Variants in RPLP0 observed in about 807,000 individuals in gnomAD.
RPLP0 encodes the protein large ribosomal subunit protein uL10.
For missense variants in RPLP0, 276 were observed against 402.9 expected (o/e 0.69, Z 2.70); for synonymous variants, 137 against 153.4 (o/e 0.89, Z 0.79).
rs1435388182 is a variant in RPLP0, at chr12:120,196,929, C to T, written c.798G>A (p.Lys266=). The T allele has an allele frequency of 6.2e-7, 1 of 1,613,298 alleles. No individual in the cohort carries two copies. Among genetic ancestry groups the T allele is most frequent in the Non-Finnish European group, 8.5e-7 (1 of 1,179,992 alleles). The part of the protein sequence containing the change: ...DYTFPLAEKV[K]AFLADPSAFV... The stretch of plus-strand genomic sequence containing the variant: ...AGGCAGATGGATCAGCCAAGAAGGC[C>T]TTGACCTGAAAGGAGGGGGGAAGTG... The change falls in exon 8 of 8, where the codon AAG becomes AAA. Residue 266 remains lysine (K), a synonymous_variant. Transcript: ENST00000392514.
intron 1 of RPLP0, 112 bp from the exon 2 acceptor site, chr12:120,200,943 G>C (rs1879434011): frequency 7.6e-7 from 1 of 1,321,430 alleles, no homozygotes; most frequent in Non-Finnish European, 1.0e-6. Flanking sequence ...CTAGGGCAGC[G>C]GCCGTCATCT....
At position 120,197,401 on chromosome 12, in the gene RPLP0, G is replaced by C. The variant is rs762925260; in HGVS notation, c.713C>G (p.Pro238Arg). Residue 238 changes from proline (P) to arginine (R), a missense_variant, in exon 7 of 8, where the codon CCC becomes CGC. Coordinates refer to ENST00000392514, the MANE Select transcript of RPLP0 (RefSeq NM_001002.4). Reference protein sequence around the residue: ...QIGYPTVASVPHSIINGYKRV... With the variant: ...QIGYPTVASVRHSIINGYKRV... ...TTTGTACCCGTTGATGATAGAATGG[G>C]GTACTGATGCAACAGTTGGGTAGCC... 6.2e-7 allele frequency: 1 copy of C among 1,613,708 alleles called. No individual in the cohort carries two copies.
chr12:120,198,453 T>C lies in RPLP0; in HGVS notation c.651+101A>G, dbSNP rs1037889487. 216 of 1,240,250 alleles carry C rather than the reference T, an allele frequency of 1.7e-4. No individual in the cohort carries two copies. Among genetic ancestry groups the C allele is most frequent in the Non-Finnish European group, 2.3e-4 (201 of 855,802 alleles). 76.8% of individuals were successfully genotyped at this position (1,240,250 alleles called of 1,614,324 possible). A position where few individuals can be genotyped will look rare whatever the true frequency, so the allele number is the denominator to read the frequency against. On this transcript the variant is annotated intron_variant, in intron 6 of 7. Coordinates refer to ENST00000392514, the MANE Select transcript of RPLP0 (RefSeq NM_001002.4). This position sits in a 1 kb window ranked among gnomAD's most constrained non-coding sequence, Gnocchi z 4.1. ...ACTGACATTTTACAGATGAGGTAGG[T>C]AGACAGATGAAAACACAGTCCTTGG...
At chr12:120,200,972 A>T (rs1879436305) in intron 1 of RPLP0, 111 bp downstream of exon 1, 1 of 994,132 alleles carries the variant, frequency 1.0e-6, no homozygotes, top group Non-Finnish European at 1.4e-6. Context: ...GCAAGCCGCC[A>T]CCGAGGCCCC....
At position 120,198,245 on chromosome 12, in the gene RPLP0, C is replaced by T. The variant is rs3742040; in HGVS notation, c.651+309G>A. Reference sequence around the variant, plus strand: ...TAAAAATACAAAAAAATTAGCCGGGCGTAGTGGCGGGTGCCTGTAGTCCCA... The same window carrying T: ...TAAAAATACAAAAAAATTAGCCGGGTGTAGTGGCGGGTGCCTGTAGTCCCA... On this transcript the variant is annotated intron_variant, in intron 6 of 7. Transcript: ENST00000392514. This position sits in a 1 kb window ranked among gnomAD's most constrained non-coding sequence, Gnocchi z 4.1. 0.13 allele frequency: 38,939 copies of T among 300,084 alleles called. 3,611 individuals carry two copies. The highest frequency in any genetic ancestry group is 0.44 in the East Asian group (5,670 of 12,758). The allele number at this position is 300,084 out of a possible 1,614,324, so 18.6% of individuals were successfully genotyped here. A position where few individuals can be genotyped will look rare whatever the true frequency, so the allele number is the denominator to read the frequency against.
In RPLP0 at chr12:120,198,667, T is replaced by G; in HGVS notation, c.538A>C (p.Ile180Leu). Residue 180 changes from isoleucine (I) to leucine (L), a missense_variant, in exon 6 of 8, where the codon ATC becomes CTC. Transcript: ENST00000392514. This position sits in a 1 kb window ranked among gnomAD's most constrained non-coding sequence, Gnocchi z 4.1. ...ACCAGCCCAAAGGAGAAGGGGGAGA[T>G]GTTGAGCATGTTCAGCAGCGTGGCT... ...SEATLLNMLN[I>L]SPFSFGLVIQ... 1 of 1,614,062 alleles carries G rather than the reference T, an allele frequency of 6.2e-7. No homozygotes were observed.
intron 4 of RPLP0, 35 bp from the exon 5 acceptor site, chr12:120,199,035 C>T: frequency 6.2e-7 from 1 of 1,613,754 alleles, no homozygotes; most frequent in Non-Finnish European, 8.5e-7. Context: ...AAAAGCCTCT[C>T]CACTCACACA....
At chr12:120,200,473 A>G in intron 2 of RPLP0, 2 of 453,722 alleles carry the variant, frequency 4.4e-6, no homozygotes, top group Non-Finnish European at 7.9e-6. Context: ...AAAAAAAAAA[A>G]GTATAAAGCG....
chr12:120,198,932 A>C lies in RPLP0; in HGVS notation c.387T>G (p.Gly129=). 1 of 1,613,690 alleles carries C rather than the reference A, an allele frequency of 6.2e-7. No homozygotes were observed. Among genetic ancestry groups the C allele is most frequent in the Non-Finnish European group, 8.5e-7 (1 of 1,179,648 alleles). ...AAAAGGAGGTCTTCTCGGGCCCGAG[A>C]CCAGTGTTCTGGGCTGGCACAGTGA... ...CEVTVPAQNT[G]LGPEKTSFFQ... Residue 129 remains glycine (G), a synonymous_variant, in exon 5 of 8, where the codon GGT becomes GGG. Transcript: ENST00000392514. This position sits in a 1 kb window ranked among gnomAD's most constrained non-coding sequence, Gnocchi z 4.1.
intron 7 of RPLP0, 169 bp downstream of exon 7, chr12:120,197,153 C>G: frequency 9.7e-7 from 1 of 1,026,850 alleles, no homozygotes; most frequent in South Asian, 1.5e-5. Context: ...GGTCTCTTGT[C>G]ATTTCTCAAG....
chr12:120,197,705 G>A (rs753762546), intron 6 of RPLP0: 23 of 516,660 alleles, frequency 4.5e-5, no homozygotes, highest in Non-Finnish European at 7.3e-5. Flanking sequence ...TACTTCCAAA[G>A]CCCCTACCAC....
chr12:120,199,529 G>C, intron 2 of RPLP0, 44 bp from the exon 3 acceptor site: 1 of 1,582,826 alleles, frequency 6.3e-7, no homozygotes, highest in Non-Finnish European at 8.6e-7. Flanking sequence ...CAGGAAGAGA[G>C]AGGGAAAAAA....
At chr12:120,199,554 G>A (rs1208983697) in intron 2 of RPLP0, 69 bp from the exon 3 acceptor site, 4 of 1,487,284 alleles carry the variant, frequency 2.7e-6, no homozygotes, top group South Asian at 1.2e-5. Context: ...AGAAGAAACT[G>A]AACCCCACAA....
chr12:120,197,548 G>A, intron 6 of RPLP0, 86 bp from the exon 7 acceptor site: 2 of 1,488,826 alleles, frequency 1.3e-6, no homozygotes, highest in South Asian at 1.2e-5. Context: ...ACCCTTAGCA[G>A]ACAATAATTG....
At position 120,199,211 on chromosome 12, in the gene RPLP0, AAG is replaced by A; in HGVS notation, c.231-8_231-7del. ...CCCGGATATGAGGCAGCAGTCTGCA[AAG>A]AGAAGTTTATGGGAGACAATCACCT... On this transcript the variant is annotated splice_polypyrimidine_tract_variant and splice_region_variant and intron_variant, in intron 3 of 7. Coordinates refer to ENST00000392514, the MANE Select transcript of RPLP0 (RefSeq NM_001002.4). 6.2e-7 allele frequency: 1 copy of A among 1,613,904 alleles called. No individual in the cohort carries two copies.
chr12:120,197,108 T>C, intron 7 of RPLP0, 174 bp from the exon 8 acceptor site: 1 of 1,184,008 alleles, frequency 8.4e-7, no homozygotes, highest in Non-Finnish European at 1.2e-6. Context: ...GCAGGGTTCC[T>C]AAGGCCCAGC....
At chr12:120,199,601 G>A (rs936456742) in intron 2 of RPLP0, 116 bp from the exon 3 acceptor site, 2 of 1,087,146 alleles carry the variant, frequency 1.8e-6, no homozygotes, top group African/African-American at 3.2e-5. Context: ...CTAAGCTTTT[G>A]AAGTCAGAGG....
intron 3 of RPLP0, 33 bp downstream of exon 3, chr12:120,199,277 G>T (rs375752479): frequency 6.2e-7 from 1 of 1,613,856 alleles, no homozygotes; most frequent in East Asian, 2.2e-5. Flanking sequence ...ACGGGCACTG[G>T]GGAGAAAGGA....
chr12:120,197,717 A>C, intron 6 of RPLP0: 1 of 483,190 alleles, frequency 2.1e-6, no homozygotes, highest in South Asian at 2.8e-5. Flanking sequence ...CCCTACCACA[A>C]CAGTGAAAAG....
Sources: allele counts gnomAD v4.1 joint callset, GRCh38; gene constraint gnomAD v4.1.1; non-coding constraint Gnocchi (gnomAD v3.1); transcripts MANE v1.5; gene names NCBI Gene and HGNC (gene_info 2026-07-23, HGNC 2026-07-21).